The following HERC1 variants were observed in gnomAD, a reference collection of about 807,000 sequenced individuals.
The protein encoded by HERC1 is HECT and RLD domain containing E3 ubiquitin protein ligase family member 1, also known as probable E3 ubiquitin-protein ligase HERC1.
HERC1 carries 160 observed loss-of-function variants against 554.3 expected under a neutral mutation model. That is an observed-to-expected ratio of 0.29 (90% CI 0.25 to 0.33). The LOEUF is 0.33. HERC1 is among the 10% of genes least tolerant of loss of function. HERC1 has a pLI of 1.00. For synonymous variants in HERC1, 2,175 were observed against 2,131.7 expected (o/e 1.02, Z -0.56); for missense variants, 4,919 against 5,918.5 (o/e 0.83, Z 5.54).
chr15:63,733,037 T>A lies in HERC1; in HGVS notation c.2755A>T (p.Thr919Ser), dbSNP rs767234827. 6.2e-7 allele frequency: 1 copy of A among 1,613,850 alleles called. No homozygotes were observed. Among genetic ancestry groups the A allele is most frequent in the Non-Finnish European group, 8.5e-7 (1 of 1,179,774 alleles). Residue 919 changes from threonine to serine, a missense_variant, in exon 14 of 78, where the codon ACT (threonine) becomes TCT (serine). Thr to Ser is a moderately conservative substitution (Grantham distance 58). Around this residue, in one of 11 missense-constraint regions of HERC1, gnomAD observed 744 missense variants for 1,090.0 expected, o/e 0.68. Transcript: ENST00000443617. The part of the protein sequence containing the change: ...SDAADLSSVC[T>S]GYGNLSDQPY... ...TGATCTGACAGATTTCCGTAGCCAGTACACACAGAAGATAGGTCAGCAGCA... is the reference window on the plus strand; with the variant it reads ...TGATCTGACAGATTTCCGTAGCCAGAACACACAGAAGATAGGTCAGCAGCA...
chr15:63,653,830 C>G (rs192859547), intron 51 of HERC1, among the ~76,000 whole-genome samples: 1 of 152,184 alleles, frequency 6.6e-6, no homozygotes, highest in African/African-American at 2.4e-5. Context: ...CCCACGGATA[C>G]AGAGGATCAA....
At position 63,658,539 on chromosome 15, in the gene HERC1, C is replaced by T. The variant is rs1338982419; in HGVS notation, c.9599+5G>A. On this transcript the variant is annotated splice_donor_5th_base_variant and intron_variant, in intron 48 of 77. Transcript: ENST00000443617. ...TAGCATCATGTGACATAAAATAACA[C>T]TTACCTGACTGAGAGAAGAGACAGC... is the stretch of plus-strand genomic sequence containing the variant. The T allele has an allele frequency of 3.1e-6, 5 of 1,606,494 alleles. No homozygotes were observed. Among genetic ancestry groups the T allele is most frequent in the Admixed American group, 1.7e-5 (1 of 59,276 alleles).
rs1467093926 is a variant in HERC1, at chr15:63,758,642, T to G, written c.1027-273A>C. Among the ~76,000 whole-genome samples the G allele has an allele frequency of 2.0e-5, 3 of 152,178 alleles. No individual in the cohort carries two copies. The highest frequency in any genetic ancestry group is 2.9e-5 in the Non-Finnish European group (2 of 68,030). The stretch of plus-strand genomic sequence containing the variant: ...CAAAACACTGTAGAAAAACAAAGCT[T>G]AAGAAATAAAGTAGAAAAAATCACC... On this transcript the variant is annotated intron_variant, in intron 3 of 77. Coordinates refer to ENST00000443617, the MANE Select transcript of HERC1 (RefSeq NM_003922.4). This position sits in a 1 kb window ranked among gnomAD's most constrained non-coding sequence, Gnocchi z 4.0.
In HERC1 at chr15:63,680,485, G is replaced by T. The variant is rs948412349; in HGVS notation, c.6465+52C>A. ...TACGTGGCACTTGAATAACCGAGTT[G>T]ACTATAAATAGAAACAAGAAAAATG... is the stretch of plus-strand genomic sequence containing the variant. On this transcript the variant is annotated intron_variant, in intron 35 of 77. Coordinates refer to ENST00000443617, the MANE Select transcript of HERC1 (RefSeq NM_003922.4). This position sits in a 1 kb window ranked among gnomAD's most constrained non-coding sequence, Gnocchi z 5.8. 6.3e-7 allele frequency: 1 copy of T among 1,586,372 alleles called. No homozygotes were observed. Among genetic ancestry groups the T allele is most frequent in the Non-Finnish European group, 8.6e-7 (1 of 1,165,330 alleles).
At position 63,696,344 on chromosome 15, in the gene HERC1, AG is replaced by A; in HGVS notation, c.4906-6del. 1 of 1,599,194 alleles carries A rather than the reference AG, an allele frequency of 6.3e-7. No homozygotes were observed. The highest frequency in any genetic ancestry group is 8.5e-7 in the Non-Finnish European group (1 of 1,171,336). ...ATGAAGTGCCTCTAAACGAAGCTTG[AG>A]GAAAAAAACATATTTTAGAGTTCTT... On this transcript the variant is annotated splice_polypyrimidine_tract_variant and splice_region_variant and intron_variant, in intron 26 of 77. Coordinates refer to ENST00000443617, the MANE Select transcript of HERC1 (RefSeq NM_003922.4).
chr15:63,774,896 C>T lies in HERC1; in HGVS notation c.728G>A (p.Gly243Asp). 1 of 1,613,994 alleles carries T rather than the reference C, an allele frequency of 6.2e-7. No homozygotes were observed. The highest frequency in any genetic ancestry group is 8.5e-7 in the Non-Finnish European group (1 of 1,179,882). ...CAGCAACTCAGAAGCTAATCTACGA[C>T]CTAAAGTGTCTGCCCCAGAATTAGG... ...TIPNSGADTL[G>D]RRLASELLLG... The change falls in exon 2 of 78, where the codon GGT (glycine) becomes GAT (aspartate). Residue 243 changes from glycine to aspartate, a missense_variant. Gly to Asp is a moderately conservative substitution (Grantham distance 94, BLOSUM62 -1). Coordinates refer to ENST00000443617, the MANE Select transcript of HERC1 (RefSeq NM_003922.4).
At position 63,775,515 on chromosome 15, in the gene HERC1, G is replaced by A. The variant is rs773711787; in HGVS notation, c.109C>T (p.Leu37=). The stretch of plus-strand genomic sequence containing the variant: ...TTATTGCTAACCAGTTTAGAATACA[G>A]AACAGCAACTCCCTCTCTTGTAGCA... ...SIATREGVAV[L]YSKLVSNKEV... is the part of the protein sequence containing the mutation. The change falls in exon 2 of 78, where the codon CTG becomes TTG. Residue 37 remains leucine, a synonymous_variant. Transcript: ENST00000443617. The surrounding 1 kb of genome is among the most constrained non-coding windows in gnomAD (Gnocchi z 4.0). 27 of 1,613,822 alleles carry A rather than the reference G, an allele frequency of 1.7e-5. No individual in the cohort carries two copies. The highest frequency in any genetic ancestry group is 2.2e-5 in the Non-Finnish European group (26 of 1,179,848).
chr15:63,745,088 C>T (rs1341801950), intron 12 of HERC1, among the ~76,000 whole-genome samples: 6 of 152,192 alleles, frequency 3.9e-5, no homozygotes, highest in African/African-American at 1.4e-4. Flanking sequence ...GCGACTCTGA[C>T]TGGTCCCCTA....
At chr15:63,745,080 G>A (rs941807685) in intron 12 of HERC1, among the ~76,000 whole-genome samples, 3 of 152,160 alleles carry the variant, frequency 2.0e-5, no homozygotes, top group Non-Finnish European at 2.9e-5. Flanking sequence ...GGAGACTTGC[G>A]ACTCTGACTG....
rs556154502 is a variant in HERC1 at position 63,732,253 on chromosome 15, G to A, written c.2868+671C>T. Among the ~76,000 whole-genome samples the A allele has an allele frequency of 5.9e-5, 9 of 152,172 alleles. No homozygotes were observed. The East Asian group carries it at 1.5e-3, about 26-fold the overall frequency. On this transcript the variant is annotated intron_variant, in intron 14 of 77. Coordinates refer to ENST00000443617, the MANE Select transcript of HERC1 (RefSeq NM_003922.4). ...TGACCTCAGGTGATCCACCCAACTCGGCCTCCCAAAGTGCTGAGATTACAG... is the reference window on the plus strand; with the variant it reads ...TGACCTCAGGTGATCCACCCAACTCAGCCTCCCAAAGTGCTGAGATTACAG...
Position 63,634,764 on chromosome 15 carries a change from A to G in HERC1, c.12539T>C (p.Val4180Ala). ...NTSNKKLPERVTALEGYQIGQ... is the reference protein window; with the variant it reads ...NTSNKKLPERATALEGYQIGQ... ...AATCTGATATCCCTCCAGTGCAGTC[A>G]CTCTCTCTGGAAGTTTTTTGTTAGA... The change falls in exon 66 of 78, where the codon GTG becomes GCG. Residue 4180 changes from valine (V) to alanine (A), a missense_variant. Physicochemically the swap from Val to Ala is moderately conservative, Grantham distance 64 (BLOSUM62 0). Coordinates refer to ENST00000443617, the MANE Select transcript of HERC1 (RefSeq NM_003922.4). The G allele has an allele frequency of 1.2e-6, 2 of 1,612,756 alleles. No homozygotes were observed. Among genetic ancestry groups the G allele is most frequent in the Non-Finnish European group, 1.7e-6 (2 of 1,179,122 alleles).
chr15:63,689,948 G>A (rs1389991487), intron 32 of HERC1, among the ~76,000 whole-genome samples: 1 of 152,066 alleles, frequency 6.6e-6, no homozygotes, highest in African/African-American at 2.4e-5. Context: ...TGGATTGCCT[G>A]AGGTTGGGAG....
At chr15:63,792,377 C>T (rs977020802) in intron 1 of HERC1, among the ~76,000 whole-genome samples, 1 of 152,164 alleles carries the variant, frequency 6.6e-6, no homozygotes, top group Non-Finnish European at 1.5e-5. Context: ...ATTCTATCCA[C>T]CTCTGGAAGG....
At position 63,694,656 on chromosome 15, in the gene HERC1, T is replaced by C; in HGVS notation, c.5243-107A>G. ...ATAACATGAAACACTAAATTATTTA[T>C]TCTTTACCTATAAGTTTATCTACTA... is the stretch of plus-strand genomic sequence containing the variant. On this transcript the variant is annotated intron_variant, in intron 28 of 77. Coordinates refer to ENST00000443617, the MANE Select transcript of HERC1 (RefSeq NM_003922.4). This position sits in a 1 kb window ranked among gnomAD's most constrained non-coding sequence, Gnocchi z 4.3. 4.1e-6 allele frequency: 6 copies of C among 1,453,510 alleles called. No homozygotes were observed. The highest frequency in any genetic ancestry group is 5.7e-6 in the Non-Finnish European group (6 of 1,044,832). The allele number at this position is 1,453,510 out of a possible 1,614,324, so 90.0% of individuals were successfully genotyped here. A position where few individuals can be genotyped will look rare whatever the true frequency, so the allele number is the denominator to read the frequency against.
At chr15:63,757,309 G>T (rs2075455238) in intron 4 of HERC1, among the ~76,000 whole-genome samples, 1 of 133,864 alleles carries the variant, frequency 7.5e-6, no homozygotes. Flanking sequence ...CTGTCACCTG[G>T]GCTAGAGTGC....
rs1030025723 is a variant in HERC1, at chr15:63,698,886, T to C, written c.4747A>G (p.Thr1583Ala). 3 of 1,613,996 alleles carry C rather than the reference T, an allele frequency of 1.9e-6. No homozygotes were observed. Among genetic ancestry groups the C allele is most frequent in the East Asian group, 4.5e-5 (2 of 44,886 alleles). ...AAAGTGTGAACTCCCAAAGACTTGG[T>C]AAGATCAAAATCTGACTCAAAGGAA... ...SYSFESDFDLTKSLGVHTLIE... is the reference protein window; with the variant it reads ...SYSFESDFDLAKSLGVHTLIE... The change falls in exon 26 of 78, where the codon ACC (threonine) becomes GCC (alanine). Residue 1583 changes from threonine to alanine, a missense_variant. This residue lies in a region of HERC1 where 1,121 missense variants were observed against 1,244.0 expected (regional missense o/e 0.90). Coordinates refer to ENST00000443617, the MANE Select transcript of HERC1 (RefSeq NM_003922.4).
At chr15:63,613,757 C>A (rs1314761626) in intron 76 of HERC1, among the ~76,000 whole-genome samples, 1 of 151,902 alleles carries the variant, frequency 6.6e-6, no homozygotes, top group Non-Finnish European at 1.5e-5. Flanking sequence ...CCCTTGAGCC[C>A]AACAGTTCAA....
intron 12 of HERC1, among the ~76,000 whole-genome samples, chr15:63,736,054 C>T (rs2074489963): frequency 6.6e-6 from 1 of 152,016 alleles, no homozygotes; most frequent in South Asian, 2.1e-4. Context: ...AAAAGACCCC[C>T]CTCCCCAGAA....
At chr15:63,829,519 AATAAT>A (rs2078067457) in intron 1 of HERC1, among the ~76,000 whole-genome samples, 1 of 73,712 alleles carries the variant, frequency 1.4e-5, no homozygotes, top group South Asian at 3.4e-4. Context: ...CACATATATA[AATAAT>A]ATGTGTGCAC....
Sources: allele counts gnomAD v4.1 joint callset (sites outside exome capture counted in the v4.1 genomes callset), GRCh38; gene constraint gnomAD v4.1.1; regional missense constraint gnomAD v4.1.1; non-coding constraint Gnocchi (gnomAD v3.1); transcripts MANE v1.5; gene names NCBI Gene and HGNC (gene_info 2026-07-23, HGNC 2026-07-21).